Variants in IQCM observed in about 807,000 individuals in gnomAD.
IQCM encodes the protein IQ domain-containing protein M.
In IQCM, 45 loss-of-function variants were observed where a neutral mutation model predicts 57.6. The ratio of observed to expected loss-of-function variants is 0.78; its 90% CI spans 0.62 to 1.00. IQCM has a LOEUF of 1.00. Ranked by LOEUF, IQCM falls within the 50% of genes least tolerant of loss-of-function variation. The probability of loss-of-function intolerance (pLI) is 0.00; values close to 1 mark genes in which losing one functional copy is unlikely to be tolerated. For missense variants in IQCM, 468 were observed against 511.6 expected, an observed-to-expected ratio of 0.91 and a Z score of 0.82; for synonymous variants, 148 against 158.9, an observed-to-expected ratio of 0.93 and a Z score of 0.51.
At chr4:149,646,802 G>A (rs1469385113) in intron 7 of IQCM, among the ~76,000 whole-genome samples, 1 of 152,056 alleles carries the variant, frequency 6.6e-6, no homozygotes, top group Non-Finnish European at 1.5e-5. Context: ...TGGCCAACAT[G>A]GTGAAACCCC....
intron 8 of IQCM, among the ~76,000 whole-genome samples, chr4:149,591,773 G>A (rs1338264848): frequency 2.6e-5 from 4 of 152,012 alleles, no homozygotes; most frequent in African/African-American, 9.7e-5. Flanking sequence ...CCCTATAAAG[G>A]ACATGAACTC....
intron 2 of IQCM, among the ~76,000 whole-genome samples, chr4:149,764,371 G>A (rs1418933908): frequency 6.6e-6 from 1 of 152,184 alleles, no homozygotes; most frequent in East Asian, 1.9e-4. Flanking sequence ...AGCCTGGACA[G>A]ACTTTTCATC....
chr4:149,662,241 G>A (rs1411576343), intron 7 of IQCM, among the ~76,000 whole-genome samples: 1 of 151,896 alleles, frequency 6.6e-6, no homozygotes, highest in Non-Finnish European at 1.5e-5. Flanking sequence ...CCATGTTTTT[G>A]TTATGTTTCT....
At chr4:149,811,355 T>C (rs958624331) in intron 2 of IQCM, among the ~76,000 whole-genome samples, 5 of 152,188 alleles carry the variant, frequency 3.3e-5, no homozygotes, top group African/African-American at 1.2e-4. Context: ...GTTTAATGAA[T>C]AACATATACA....
chr4:149,594,486 G>A (rs1753560093), intron 8 of IQCM, among the ~76,000 whole-genome samples: 4 of 151,966 alleles, frequency 2.6e-5, no homozygotes, highest in Non-Finnish European at 4.4e-5. Context: ...GTTATTTCTT[G>A]CCTTCTGCTA....
At chr4:149,398,335 GTTTATTTGTGGTCT>G (rs1298878609) in intron 13 of IQCM, among the ~76,000 whole-genome samples, 2 of 151,856 alleles carry the variant, frequency 1.3e-5, no homozygotes, top group African/African-American at 4.8e-5. Context: ...AAGATTGATT[GTTTATTTGTGGTCT>G]TTTGTAGTTT....
chr4:149,680,979 G>C (rs554278991), intron 7 of IQCM, among the ~76,000 whole-genome samples: 2 of 151,298 alleles, frequency 1.3e-5, no homozygotes, highest in Non-Finnish European at 3.0e-5. Flanking sequence ...GAGCTAAAAA[G>C]TTCCTCTGCA....
At chr4:149,594,148 C>T (rs904937065) in intron 8 of IQCM, among the ~76,000 whole-genome samples, 2 of 152,114 alleles carry the variant, frequency 1.3e-5, no homozygotes, top group Non-Finnish European at 2.9e-5. Context: ...TGTTATTGGT[C>T]TATTCAGGGA....
intron 13 of IQCM, among the ~76,000 whole-genome samples, chr4:149,404,805 A>T (rs1732866674): frequency 6.6e-6 from 1 of 152,084 alleles, no homozygotes; most frequent in Admixed American, 6.6e-5. Flanking sequence ...TTTTTATAGC[A>T]AATGTTTATG....
intron 5 of IQCM, among the ~76,000 whole-genome samples, chr4:149,706,877 A>T (rs1764200596): frequency 6.6e-6 from 1 of 151,986 alleles, no homozygotes; most frequent in Non-Finnish European, 1.5e-5. Flanking sequence ...TGTGAGTCTA[A>T]TGTACATTTT....
intron 13 of IQCM, among the ~76,000 whole-genome samples, chr4:149,414,159 T>C (rs577446300): frequency 1.3e-5 from 2 of 152,300 alleles, no homozygotes; most frequent in East Asian, 1.9e-4. Context: ...TCCTCTCTTA[T>C]AATGAATGTT....
chr4:149,808,164 C>G (rs534667805), intron 2 of IQCM, among the ~76,000 whole-genome samples: 1 of 152,080 alleles, frequency 6.6e-6, no homozygotes, highest in African/African-American at 2.4e-5. Context: ...ATGGAATCAA[C>G]CTAAGTGCTC....
chr4:149,779,997 C>G (rs568954905), intron 2 of IQCM, among the ~76,000 whole-genome samples: 2 of 152,124 alleles, frequency 1.3e-5, no homozygotes, highest in Admixed American at 1.3e-4. Context: ...TCATATCAAT[C>G]CAAATGGATT....
intron 5 of IQCM, among the ~76,000 whole-genome samples, chr4:149,731,646 T>C (rs939565648): frequency 6.6e-6 from 1 of 152,044 alleles, no homozygotes; most frequent in African/African-American, 2.4e-5. Context: ...CCTAAAATAA[T>C]CCACTAATTC....
intron 2 of IQCM, among the ~76,000 whole-genome samples, chr4:149,770,796 A>G (rs566741354): frequency 3.9e-5 from 6 of 152,082 alleles, no homozygotes; most frequent in African/African-American, 1.2e-4. Flanking sequence ...AAGAGCACCT[A>G]TGAAAAACCT....
intron 2 of IQCM, among the ~76,000 whole-genome samples, chr4:149,779,551 C>A (rs1771409643): frequency 6.6e-6 from 1 of 151,840 alleles, no homozygotes; most frequent in African/African-American, 2.4e-5. Flanking sequence ...TATCTGTAGA[C>A]CAAAAAGTGA....
At chr4:149,658,435 G>A (rs1357875970) in intron 7 of IQCM, among the ~76,000 whole-genome samples, 1 of 152,048 alleles carries the variant, frequency 6.6e-6, no homozygotes, top group Non-Finnish European at 1.5e-5. Flanking sequence ...GTCATGTTGT[G>A]TAATGCCTCA....
intron 13 of IQCM, among the ~76,000 whole-genome samples, chr4:149,390,060 C>T (rs969546270): frequency 2.0e-5 from 3 of 151,850 alleles, no homozygotes; most frequent in Non-Finnish European, 4.4e-5. Flanking sequence ...GTTGGAGAGA[C>T]CACCATCTTG....
chr4:149,562,794 T>C (rs1343019830), intron 10 of IQCM, among the ~76,000 whole-genome samples: 1 of 152,176 alleles, frequency 6.6e-6, no homozygotes, highest in East Asian at 1.9e-4. Context: ...TTAGTACATG[T>C]AAAAATTTAT....
Sources: allele counts gnomAD v4.1 joint callset (sites outside exome capture counted in the v4.1 genomes callset), GRCh38; gene constraint gnomAD v4.1.1; transcripts MANE v1.5; gene names NCBI Gene and HGNC (gene_info 2026-07-23, HGNC 2026-07-21).